Variants in AFAP1L2 observed in about 807,000 individuals in gnomAD.
AFAP1L2 encodes the protein actin filament associated protein 1 like 2.
Under a neutral mutation model 99.3 loss-of-function variants are expected in AFAP1L2, and 46 were observed. That is an observed-to-expected ratio of 0.46 (90% confidence interval 0.37 to 0.59). AFAP1L2 has a LOEUF of 0.59. Among genes scored for constraint, AFAP1L2 ranks in the 20% least tolerant of loss-of-function variants. The probability of loss-of-function intolerance (pLI) is 0.00; values close to 1 mark genes in which losing one functional copy is unlikely to be tolerated. For synonymous variants in AFAP1L2, 397 were observed against 419.1 expected (o/e 0.95, Z 0.64); for missense variants, 959 against 1,034.9 (o/e 0.93, Z 1.01).
chr10:114,309,803 T>A (rs924584723), intron 8 of AFAP1L2, among the ~76,000 whole-genome samples: 4 of 152,146 alleles, frequency 2.6e-5, no homozygotes, highest in Non-Finnish European at 1.5e-5. Context: ...AGCTTCCCCC[T>A]GTCTCCCCAT....
chr10:114,302,091 A>T (rs1433491233), intron 12 of AFAP1L2: 10 of 505,692 alleles, frequency 2.0e-5, no homozygotes, highest in Non-Finnish European at 3.6e-5. Flanking sequence ...TGGAGAGTCT[A>T]ACTGCCTCTG....
chr10:114,355,282 T>G, intron 1 of AFAP1L2, among the ~76,000 whole-genome samples: 2 of 140,262 alleles, frequency 1.4e-5, no homozygotes, highest in Admixed American at 7.2e-5. Context: ...TGAGACGGAG[T>G]CTCACTCTGT....
At position 114,297,376 on chromosome 10, in the gene AFAP1L2, C is replaced by T; in HGVS notation, c.2151G>A (p.Lys717=). Residue 717 remains lysine, a synonymous_variant, in exon 17 of 19, where the codon AAG becomes AAA. Transcript: ENST00000304129. ...CGCCCCGGCACTCCTCGTCAATTTCCTTCAGCTTCTGCTCCAGGCTCGCCA... is the reference window on the plus strand; with the variant it reads ...CGCCCCGGCACTCCTCGTCAATTTCTTTCAGCTTCTGCTCCAGGCTCGCCA... ...EVLASLEQKL[K]EIDEECRGEE... 3 of 1,613,664 alleles carry T rather than the reference C, an allele frequency of 1.9e-6. No homozygotes were observed. The highest frequency in any genetic ancestry group is 2.5e-6 in the Non-Finnish European group (3 of 1,180,016).
intron 1 of AFAP1L2, among the ~76,000 whole-genome samples, chr10:114,369,362 G>A (rs376301353): frequency 1.7e-4 from 26 of 152,234 alleles, no homozygotes; most frequent in Non-Finnish European, 2.6e-4. Context: ...TTCGGAGGCC[G>A]AGGCGGGCGG....
chr10:114,302,874 G>A (rs1158870412), intron 11 of AFAP1L2, among the ~76,000 whole-genome samples: 1 of 152,184 alleles, frequency 6.6e-6, no homozygotes, highest in Non-Finnish European at 1.5e-5. Flanking sequence ...GTTGACACTT[G>A]TATTTTATGA....
In AFAP1L2 at chr10:114,313,970, T is replaced by A. The variant is rs1310946780; in HGVS notation, c.693A>T (p.Gln231His). The A allele has an allele frequency of 4.3e-6, 7 of 1,613,870 alleles. No homozygotes were observed. In the African/African-American group the frequency reaches 8.0e-5, roughly 18 times the overall value. Residue 231 changes from glutamine to histidine, a missense_variant, in exon 7 of 19, where the codon CAA (glutamine) becomes CAT (histidine). Transcript: ENST00000304129. ...LGSSVIHKEK[Q>H]VRKKEHKLKI... ...TCAGCTTGTGCTCCTTCTTCCGCACTTGCTTCTCCTTGTGAATGACGCTGC... is the reference window on the plus strand; with the variant it reads ...TCAGCTTGTGCTCCTTCTTCCGCACATGCTTCTCCTTGTGAATGACGCTGC...
downstream of AFAP1L2, among the ~76,000 whole-genome samples, chr10:114,292,942 G>C (rs1267184274): frequency 6.6e-6 from 1 of 152,134 alleles, no homozygotes; most frequent in African/African-American, 2.4e-5. Flanking sequence ...TCTGACCTCA[G>C]GTGATCCCCC....
At chr10:114,312,487 C>A (rs2134594912) in intron 7 of AFAP1L2, among the ~76,000 whole-genome samples, 1 of 152,264 alleles carries the variant, frequency 6.6e-6, no homozygotes, top group Non-Finnish European at 1.5e-5. Flanking sequence ...ATCAGCTCTG[C>A]AGCCCAGGAC....
chr10:114,297,107 T>A lies in AFAP1L2; in HGVS notation c.2308-7A>T, dbSNP rs2040357129. Reference sequence around the variant, plus strand: ...CAGGTGTGACAGCTTTGGGCTGTGGTTATAGGAGGAGAGCAAGGGCTGAGT... The same window carrying A: ...CAGGTGTGACAGCTTTGGGCTGTGGATATAGGAGGAGAGCAAGGGCTGAGT... On this transcript the variant is annotated splice_polypyrimidine_tract_variant and splice_region_variant and intron_variant, in intron 17 of 18. Transcript: ENST00000304129. The A allele has an allele frequency of 1.9e-6, 3 of 1,613,740 alleles. No homozygotes were observed. Among genetic ancestry groups the A allele is most frequent in the Admixed American group, 1.7e-5 (1 of 59,978 alleles).
chr10:114,305,979 G>C (rs1219823628), intron 10 of AFAP1L2, among the ~76,000 whole-genome samples: 31 of 115,416 alleles, frequency 2.7e-4, no homozygotes, highest in Admixed American at 4.2e-4. Flanking sequence ...AGGTACAGGA[G>C]GGGTCGGGGC....
chr10:114,299,947 A>G (rs888569849), intron 15 of AFAP1L2, among the ~76,000 whole-genome samples: 52 of 152,192 alleles, frequency 3.4e-4, no homozygotes, highest in Admixed American at 9.2e-4. Flanking sequence ...GCCTTTGGCC[A>G]CAGACTGAAG....
At chr10:114,302,088 T>TCTAA (rs574258584) in intron 12 of AFAP1L2, 135 of 494,052 alleles carry the variant, frequency 2.7e-4, no homozygotes, top group Middle Eastern at 1.7e-3. Context: ...AGCTGGAGAG[T>TCTAA]CTAACTGCCT....
chr10:114,394,221 G>A (rs1187219710), intron 1 of AFAP1L2, among the ~76,000 whole-genome samples: 3 of 152,182 alleles, frequency 2.0e-5, no homozygotes, highest in Non-Finnish European at 2.9e-5. Flanking sequence ...CTTGCAGCAG[G>A]CCATGAGAAG....
intron 10 of AFAP1L2, among the ~76,000 whole-genome samples, chr10:114,306,851 G>C (rs192496350): frequency 1.3e-5 from 2 of 152,252 alleles, no homozygotes; most frequent in African/African-American, 4.8e-5. Flanking sequence ...TGAGCTCCCA[G>C]GCCAAACATC....
At chr10:114,355,345 C>T (rs2051195640) in intron 1 of AFAP1L2, among the ~76,000 whole-genome samples, 1 of 151,570 alleles carries the variant, frequency 6.6e-6, no homozygotes, top group Non-Finnish European at 1.5e-5. Flanking sequence ...AGCTCCGCCT[C>T]CCGGATTCAC....
In AFAP1L2 at chr10:114,373,375, C is replaced by T. The variant is rs111359790; in HGVS notation, c.16+31065G>A. Among the ~76,000 whole-genome samples the T allele has an allele frequency of 8.4e-4, 128 of 152,332 alleles. 1 individual carries two copies. The highest frequency in any genetic ancestry group is 2.7e-3 in the African/African-American group (114 of 41,572). Reference sequence around the variant, plus strand: ...GCACAGTGGCTCATGCCTGTGATCTCAGCACTTTGGGAGGCTGAGGTGGGC... The same window carrying T: ...GCACAGTGGCTCATGCCTGTGATCTTAGCACTTTGGGAGGCTGAGGTGGGC... On this transcript the variant is annotated intron_variant, in intron 1 of 18. Coordinates refer to ENST00000304129, the MANE Select transcript of AFAP1L2 (RefSeq NM_001001936.3).
chr10:114,304,714 G>A lies in AFAP1L2; in HGVS notation c.1284+5C>T, dbSNP rs1376659925. 1.9e-6 allele frequency: 3 copies of A among 1,595,916 alleles called. No individual in the cohort carries two copies. The highest frequency in any genetic ancestry group is 2.7e-5 in the African/African-American group (2 of 74,704). Reference sequence around the variant, plus strand: ...GGCCCTGCTCCCCCTGCAGGCCGGCGGTACCTCAAGCTTGGCCAGCTCCTC... The same window carrying A: ...GGCCCTGCTCCCCCTGCAGGCCGGCAGTACCTCAAGCTTGGCCAGCTCCTC... On this transcript the variant is annotated splice_donor_5th_base_variant and intron_variant, in intron 11 of 18. Coordinates refer to ENST00000304129, the MANE Select transcript of AFAP1L2 (RefSeq NM_001001936.3).
chr10:114,282,666 G>C, the AFAP1L2 span: 1 of 1,094,456 alleles, frequency 9.1e-7, no homozygotes, highest in Non-Finnish European at 1.4e-6. Flanking sequence ...CAGAGGGTGG[G>C]GTTGTGACTG....
chr10:114,289,154 G>A, the AFAP1L2 span: 50 of 1,613,632 alleles, frequency 3.1e-5, 1 homozygote, highest in South Asian at 3.8e-4. Context: ...GCGATGCTGC[G>A]GGCCATTAGC....
Sources: gnomAD v4.1 joint callset for allele counts (sites outside exome capture counted in the v4.1 genomes callset) on GRCh38, gnomAD v4.1.1 for gene constraint, MANE v1.5 for transcripts, NCBI Gene and HGNC (gene_info 2026-07-23, HGNC 2026-07-21) for gene names.